Variants in UPF3B observed in about 807,000 individuals in gnomAD.
UPF3B encodes regulator of nonsense transcripts 3B.
Under a neutral mutation model 40.3 loss-of-function variants are expected in UPF3B, and 7 were observed. That is an observed-to-expected ratio of 0.17 (90% CI 0.10 to 0.33). The LOEUF is 0.33. Ranked by LOEUF, UPF3B falls within the 10% of genes least tolerant of loss-of-function variation. The pLI is 1.00. For synonymous variants in UPF3B, 117 were observed against 117.3 expected, an observed-to-expected ratio of 1.00 and a Z score of 0.01; for missense variants, 229 against 358.9, an observed-to-expected ratio of 0.64 and a Z score of 2.93.
At chrX:119,813,564 CTT>C (rs572653123) in intron 5 of UPF3B, among the ~76,000 whole-genome samples, 10 of 99,250 alleles carry the variant, frequency 1.0e-4, no homozygotes, top group Admixed American at 3.4e-4. Context: ...TTTTTCTTTT[CTT>C]TTTTTTTTTT....
intron 5 of UPF3B, 74 bp from the exon 6 acceptor site, chrX:119,841,852 G>T: frequency 1.1e-6 from 1 of 896,098 alleles, no homozygotes; most frequent in Non-Finnish European, 1.6e-6. Flanking sequence ...GACATTCCCT[G>T]CCAACCACCC....
intron 4 of UPF3B, among the ~76,000 whole-genome samples, chrX:119,817,763 G>A (rs2496198): frequency 0.054 from 6,008 of 111,626 alleles, 348 homozygotes; most frequent in African/African-American, 0.18. Context: ...GCGAAAAATG[G>A]ATTCTGCTAA....
chrX:119,824,873 TCTC>T (rs1160183230), intron 3 of UPF3B, among the ~76,000 whole-genome samples: 1 of 106,724 alleles, frequency 9.4e-6, no homozygotes, highest in Non-Finnish European at 1.9e-5. Context: ...TTCCAGCAAT[TCTC>T]CTGCCTCAGC....
chrX:119,838,606 T>A (rs1410484453), intron 8 of UPF3B, 79 bp from the exon 9 acceptor site: 1 of 1,030,692 alleles, frequency 9.7e-7, no homozygotes. Context: ...ACCAAATATT[T>A]AAAATTTAGA....
intron 3 of UPF3B, among the ~76,000 whole-genome samples, chrX:119,845,894 T>A (rs1372836841): frequency 9.3e-6 from 1 of 107,094 alleles, no homozygotes; most frequent in Non-Finnish European, 1.9e-5. Flanking sequence ...TGATGTGTTA[T>A]GTGAGGTGAT....
intron 3 of UPF3B, among the ~76,000 whole-genome samples, chrX:119,848,381 C>T (rs1278584851): frequency 9.2e-6 from 1 of 108,263 alleles, no homozygotes; most frequent in Non-Finnish European, 1.9e-5. Flanking sequence ...GCCAGACAGA[C>T]ACTGTATGTT....
rs779869390 is a variant in UPF3B, at chrX:119,808,713, C to T, written c.603-1132G>A. Among the ~76,000 whole-genome samples the T allele has an allele frequency of 1.5e-4, 16 of 108,843 alleles. 1 individual carries two copies. The South Asian group carries it at 5.3e-3, about 36-fold the overall frequency. The allele number at this position is 108,843 out of a possible 115,157, so 94.5% of individuals were successfully genotyped here. On this transcript the variant is annotated intron_variant, in intron 5 of 6. Coordinates refer to the UPF3B transcript ENST00000636792. ...AGGGAGGTGCTGACGTGAAAACGGC[C>T]TTGAGATGGCTGGCAACAGGCTAGA...
Position 119,838,011 on chromosome X carries a change from G to A in UPF3B, c.1048C>T (p.Arg350Trp), listed in dbSNP as rs750307045. Residue 350 changes from arginine (R) to tryptophan (W), a missense_variant, in exon 10 of 11, where the codon CGG becomes TGG. Physicochemically the swap from Arg to Trp is moderately radical, Grantham distance 101. This residue lies in a region of UPF3B where 119 missense variants were observed against 153.8 expected (regional missense o/e 0.77). Coordinates refer to ENST00000276201, the MANE Select transcript of UPF3B (RefSeq NM_080632.3). ...CGCTCCTGATCTCGTTCATATTCCC[G>A]TTCCCTCTCCCTATAGTCTCTGCCG... ...ESGRDYRERE[R>W]EYERDQERIL... 9.9e-6 allele frequency: 12 copies of A among 1,208,333 alleles called. No homozygotes were observed. The highest frequency in any genetic ancestry group is 4.4e-5 in the Admixed American group (2 of 45,440).
At chrX:119,852,366 C>T (rs1224741234) in intron 1 of UPF3B, among the ~76,000 whole-genome samples, 1 of 112,161 alleles carries the variant, frequency 8.9e-6, no homozygotes, top group East Asian at 2.8e-4. Context: ...TGCTCTCGAT[C>T]TACCCTCCTG....
chrX:119,813,715 C>G (rs904861074), intron 5 of UPF3B, among the ~76,000 whole-genome samples: 6 of 109,513 alleles, frequency 5.5e-5, no homozygotes, highest in Admixed American at 9.9e-5. Flanking sequence ...GAGCGTGCCA[C>G]CATGCCCGGT....
intron 3 of UPF3B, among the ~76,000 whole-genome samples, chrX:119,846,648 G>A (rs1160900974): frequency 9.2e-6 from 1 of 108,594 alleles, no homozygotes; most frequent in Non-Finnish European, 1.9e-5. Flanking sequence ...AAATACACCA[G>A]GACACCAAAA....
chrX:119,815,242 A>T, exon 5 of UPF3B: 1 of 800,074 alleles, frequency 1.2e-6, no homozygotes, highest in Non-Finnish European at 1.5e-6. Context: ...TGGTTATGTC[A>T]TCAGGGTGCG....
Position 119,843,262 on chromosome X carries a change from T to A in UPF3B, c.509A>T (p.Asp170Val), listed in dbSNP as rs2056187884. ...YRKFLESYAT[D>V]NEKMTSTPET... Reference sequence around the variant, plus strand: ...TGGAGTAGATGTCATTTTCTCATTATCTGTGGCATAACTTTCCAAAAACTT... The same window carrying A: ...TGGAGTAGATGTCATTTTCTCATTAACTGTGGCATAACTTTCCAAAAACTT... The change falls in exon 5 of 11, where the codon GAT (aspartate) becomes GTT (valine). Residue 170 changes from aspartate (D) to valine (V), a missense_variant. Coordinates refer to ENST00000276201, the MANE Select transcript of UPF3B (RefSeq NM_080632.3). 1 of 1,205,802 alleles carries A rather than the reference T, an allele frequency of 8.3e-7. No homozygotes were observed. Among genetic ancestry groups the A allele is most frequent in the African/African-American group, 1.7e-5 (1 of 57,294 alleles).
At chrX:119,808,315 A>AGACT (rs2147750046) in intron 5 of UPF3B, among the ~76,000 whole-genome samples, 1 of 109,037 alleles carries the variant, frequency 9.2e-6, no homozygotes, top group East Asian at 2.9e-4. Flanking sequence ...TATCAATTAA[A>AGACT]GATGGATTTT....
chrX:119,836,776 G>A (rs1347061818), intron 10 of UPF3B, among the ~76,000 whole-genome samples: 8 of 106,861 alleles, frequency 7.5e-5, no homozygotes, highest in African/African-American at 1.4e-4. Flanking sequence ...TCAGCCTCCC[G>A]AGTAGCTGGG....
Position 119,834,950 on chromosome X carries a change from C to T in UPF3B, c.1380G>A (p.Lys460=), listed in dbSNP as rs745571424. ...TCCTTTCTGCTGCTGAATCTCCAGA[C>T]TTGGTGCTGTCATCAGGGGGACAGA... ...NRLCPPDDST[K]SGDSAAERKQ... is the part of the protein sequence containing the mutation. Residue 460 remains lysine (K), a synonymous_variant, in exon 11 of 11, where the codon AAG becomes AAA. Coordinates refer to ENST00000276201, the MANE Select transcript of UPF3B (RefSeq NM_080632.3). 1 of 1,210,484 alleles carries T rather than the reference C, an allele frequency of 8.3e-7. No homozygotes were observed. Among genetic ancestry groups the T allele is most frequent in the African/African-American group, 1.7e-5 (1 of 57,428 alleles).
chrX:119,809,837 A>G (rs1259197863), intron 5 of UPF3B, among the ~76,000 whole-genome samples: 1 of 111,959 alleles, frequency 8.9e-6, no homozygotes, highest in African/African-American at 3.2e-5. Flanking sequence ...AAGAGCTACA[A>G]TCAGAGCAAA....
In UPF3B at chrX:119,845,194, G is replaced by T; in HGVS notation, c.469+4C>A. On this transcript the variant is annotated splice_donor_region_variant and intron_variant, in intron 4 of 10. Coordinates refer to ENST00000276201, the MANE Select transcript of UPF3B (RefSeq NM_080632.3). ...AGCATTATATAATTAGAGCTATACT[G>T]TACCATCATCGATAGTCCCGACTTT... 8.4e-7 allele frequency: 1 copy of T among 1,187,402 alleles called. No individual in the cohort carries two copies. The highest frequency in any genetic ancestry group is 3.0e-5 in the East Asian group (1 of 33,752).
downstream of UPF3B, among the ~76,000 whole-genome samples, chrX:119,829,254 T>G (rs1391415039): frequency 8.9e-6 from 1 of 111,938 alleles, no homozygotes; most frequent in Non-Finnish European, 1.9e-5. Flanking sequence ...ACTCCTGACC[T>G]CGTGATCTGC....
Sources: gnomAD v4.1 joint callset for allele counts (sites outside exome capture counted in the v4.1 genomes callset) on GRCh38, gnomAD v4.1.1 for gene constraint, gnomAD v4.1.1 regional missense constraint, MANE v1.5 for transcripts, NCBI Gene and HGNC (gene_info 2026-07-23, HGNC 2026-07-21) for gene names.